NFIA: variants seen among roughly 807,000 people sequenced by gnomAD.
NFIA encodes nuclear factor 1 A-type.
In NFIA, 8 loss-of-function variants were observed where a neutral mutation model predicts 62.8. The ratio of observed to expected loss-of-function variants is 0.13; its 90% confidence interval spans 0.07 to 0.23. The LOEUF is 0.23. NFIA is among the 10% of genes least tolerant of loss of function. The pLI is 1.00. For missense variants in NFIA, 410 were observed against 642.1 expected (o/e 0.64, Z 3.91); for synonymous variants, 235 against 238.1 (o/e 0.99, Z 0.12).
At chr1:61,114,208 CAT>C (rs903311889) in intron 2 of NFIA, among the ~76,000 whole-genome samples, 16 of 152,098 alleles carry the variant, frequency 1.1e-4, no homozygotes, top group African/African-American at 3.9e-4. Flanking sequence ...CGATAAAACA[CAT>C]GTTATTTCTT....
At chr1:61,126,708 A>G (rs12751005) in intron 2 of NFIA, among the ~76,000 whole-genome samples, 39,640 of 151,242 alleles carry the variant, frequency 0.26, 6,391 homozygotes, top group Non-Finnish European at 0.35. Context: ...AAGTTTCTGA[A>G]GTTGCATGCA....
chr1:61,303,984 G>T (rs2100334770), intron 3 of NFIA, among the ~76,000 whole-genome samples: 1 of 152,216 alleles, frequency 6.6e-6, no homozygotes, highest in South Asian at 2.1e-4. Flanking sequence ...AAGAGATCAG[G>T]GTGACATTGG....
chr1:61,335,867 T>A (rs1661577713), intron 4 of NFIA, among the ~76,000 whole-genome samples: 1 of 151,710 alleles, frequency 6.6e-6, no homozygotes, highest in African/African-American at 2.4e-5. Context: ...ATAAGCTAAC[T>A]GGCACAAAAG....
chr1:61,261,007 T>C (rs910307940), intron 2 of NFIA, among the ~76,000 whole-genome samples: 3 of 152,274 alleles, frequency 2.0e-5, no homozygotes, highest in African/African-American at 7.2e-5. Flanking sequence ...CTCCATTTGC[T>C]CTTTTGAAGT....
chr1:61,082,887 G>A, intron 1 of NFIA, 69 bp downstream of exon 1: 3 of 1,454,264 alleles, frequency 2.1e-6, no homozygotes, highest in South Asian at 2.7e-5. Context: ...GGCTGGGTGG[G>A]GGGCACCGGG....
At chr1:61,439,186 A>G (rs1279047659) in intron 10 of NFIA, among the ~76,000 whole-genome samples, 1 of 152,090 alleles carries the variant, frequency 6.6e-6, no homozygotes, top group African/African-American at 2.4e-5. Context: ...TCCAGTGTAG[A>G]TAATGGTGTA....
chr1:61,351,416 A>G lies in NFIA; in HGVS notation c.701-1034A>G, dbSNP rs1024730779. ...CTTATTGTTATTTCTTCTGATGGAT[A>G]CTAACCTGTAATTTATTTATTCCAG... On this transcript the variant is annotated intron_variant, in intron 4 of 10. Transcript: ENST00000403491. 4.6e-5 allele frequency among the ~76,000 whole-genome samples: 7 copies of G among 152,348 alleles called. No individual in the cohort carries two copies. The South Asian group carries it at 8.3e-4, about 18-fold the overall frequency.
intron 2 of NFIA, among the ~76,000 whole-genome samples, chr1:61,155,662 A>G (rs1194280104): frequency 8.1e-6 from 1 of 123,006 alleles, no homozygotes; most frequent in Non-Finnish European, 1.7e-5. Flanking sequence ...CCTGGGCGAC[A>G]GAGCGAGACT....
At chr1:61,327,437 C>T (rs1387910725) in intron 3 of NFIA, among the ~76,000 whole-genome samples, 4 of 151,914 alleles carry the variant, frequency 2.6e-5, no homozygotes, top group Non-Finnish European at 4.4e-5. Flanking sequence ...TGAGTCTCTG[C>T]GGTCCATTAT....
intron 4 of NFIA, among the ~76,000 whole-genome samples, chr1:61,339,939 C>T (rs142017564): frequency 6.6e-6 from 1 of 152,186 alleles, no homozygotes; most frequent in Admixed American, 6.5e-5. Context: ...TGGCTGTTGT[C>T]ATGGACCACT....
intron 1 of NFIA, among the ~76,000 whole-genome samples, chr1:61,084,611 T>C (rs1369391439): frequency 6.6e-6 from 1 of 152,220 alleles, no homozygotes; most frequent in East Asian, 1.9e-4. Flanking sequence ...GCTGAAGTTC[T>C]AGCTGGCAGA....
At chr1:61,241,416 G>C (rs181764722) in intron 2 of NFIA, among the ~76,000 whole-genome samples, 2 of 152,258 alleles carry the variant, frequency 1.3e-5, no homozygotes, top group Admixed American at 1.3e-4. Flanking sequence ...AAATTGTTTT[G>C]TTGGCAAGAT....
chr1:61,386,192 C>T (rs994180257), intron 7 of NFIA, among the ~76,000 whole-genome samples: 3 of 152,018 alleles, frequency 2.0e-5, no homozygotes, highest in East Asian at 1.9e-4. Context: ...GGGAGTAAGA[C>T]GTGGTGTTTT....
intron 2 of NFIA, among the ~76,000 whole-genome samples, chr1:61,090,496 A>G (rs202041402): frequency 9.2e-5 from 14 of 152,130 alleles, no homozygotes; most frequent in Admixed American, 3.3e-4. Context: ...AAGAAATGCA[A>G]TCTTTTCGCT....
At chr1:61,221,949 G>T (rs375194735) in intron 2 of NFIA, among the ~76,000 whole-genome samples, 24 of 152,244 alleles carry the variant, frequency 1.6e-4, no homozygotes, top group African/African-American at 5.8e-4. Context: ...TGGGCAAAAT[G>T]AACAGACATT....
intron 4 of NFIA, among the ~76,000 whole-genome samples, chr1:61,333,376 C>A (rs1458770715): frequency 1.3e-5 from 2 of 152,130 alleles, no homozygotes; most frequent in Non-Finnish European, 2.9e-5. Context: ...TACAGGCTTG[C>A]AAGATTGACT....
chr1:61,184,993 C>T (rs923488110), intron 2 of NFIA, among the ~76,000 whole-genome samples: 1 of 152,156 alleles, frequency 6.6e-6, no homozygotes, highest in Non-Finnish European at 1.5e-5. Context: ...TGCTGGACTG[C>T]TTAACGTTAA....
At chr1:61,286,301 G>C (rs1004062492) in intron 3 of NFIA, among the ~76,000 whole-genome samples, 1 of 151,702 alleles carries the variant, frequency 6.6e-6, no homozygotes, top group African/African-American at 2.4e-5. Flanking sequence ...GGTTGCAGGC[G>C]CCTGTAGTCC....
chr1:61,294,477 G>A (rs544517190), intron 3 of NFIA, among the ~76,000 whole-genome samples: 12 of 152,158 alleles, frequency 7.9e-5, no homozygotes, highest in South Asian at 4.1e-4. Flanking sequence ...CTTGAAAGGC[G>A]ATTGAAATCA....
Sources: gnomAD v4.1 joint callset for allele counts (sites outside exome capture counted in the v4.1 genomes callset) on GRCh38, gnomAD v4.1.1 for gene constraint, MANE v1.5 for transcripts, NCBI Gene and HGNC (gene_info 2026-07-23, HGNC 2026-07-21) for gene names.